Variants in ALCAM observed in about 807,000 individuals in gnomAD.
ALCAM encodes CD166 antigen.
ALCAM carries 30 observed loss-of-function variants against 70.9 expected under a neutral mutation model. The ratio of observed to expected loss-of-function variants is 0.42; its 90% CI spans 0.32 to 0.57. The LOEUF is 0.57. ALCAM is among the 20% of genes least tolerant of loss of function. The probability of loss-of-function intolerance (pLI) is 0.11; values close to 1 mark genes in which losing one functional copy is unlikely to be tolerated. For missense variants in ALCAM, 591 were observed against 695.1 expected (o/e 0.85, Z 1.68); for synonymous variants, 249 against 242.5 (o/e 1.03, Z -0.25).
At chr3:105,431,941 T>C (rs1475665866) in intron 1 of ALCAM, among the ~76,000 whole-genome samples, 1 of 152,168 alleles carries the variant, frequency 6.6e-6, no homozygotes, top group African/African-American at 2.4e-5. Flanking sequence ...CAAATGCTTT[T>C]TAACAGAGTA....
chr3:105,504,943 CTA>C (rs991610063), intron 1 of ALCAM, among the ~76,000 whole-genome samples: 2 of 152,198 alleles, frequency 1.3e-5, no homozygotes, highest in African/African-American at 4.8e-5. Context: ...TTCCATATCA[CTA>C]TCATTGTCCT....
chr3:105,425,453 A>G (rs1214907672), intron 1 of ALCAM, among the ~76,000 whole-genome samples: 4 of 151,776 alleles, frequency 2.6e-5, no homozygotes, highest in Non-Finnish European at 5.9e-5. Context: ...CCTTTGCTAC[A>G]CACTTCTGAT....
chr3:105,561,748 T>G (rs568449034), intron 14 of ALCAM, among the ~76,000 whole-genome samples: 5 of 152,294 alleles, frequency 3.3e-5, no homozygotes, highest in Admixed American at 3.3e-4. Flanking sequence ...CTAAAATTTT[T>G]ATATTCCTGA....
At chr3:105,402,938 C>CTTT (rs58126212) in intron 1 of ALCAM, among the ~76,000 whole-genome samples, 2 of 117,252 alleles carry the variant, frequency 1.7e-5, no homozygotes, top group Admixed American at 8.8e-5. Flanking sequence ...AGCTGATGCG[C>CTTT]TTTTTTTTTT....
At chr3:105,568,105 G>T (rs535830116) in intron 14 of ALCAM, among the ~76,000 whole-genome samples, 42 of 141,938 alleles carry the variant, frequency 3.0e-4, no homozygotes, top group Admixed American at 2.2e-3. Flanking sequence ...CTGTCACCTA[G>T]GCTGGAGTGC....
At chr3:105,405,697 C>G (rs1936210821) in intron 1 of ALCAM, among the ~76,000 whole-genome samples, 1 of 152,160 alleles carries the variant, frequency 6.6e-6, no homozygotes, top group Admixed American at 6.5e-5. Context: ...AAAATTATAT[C>G]ATGTACTCTC....
intron 1 of ALCAM, among the ~76,000 whole-genome samples, chr3:105,397,488 A>G (rs892494255): frequency 1.3e-5 from 2 of 151,878 alleles, no homozygotes; most frequent in Non-Finnish European, 2.9e-5. Flanking sequence ...TAGAGATAAT[A>G]GATTTAAACA....
rs1935543298 is a variant in ALCAM, at chr3:105,382,297, C to T, written c.73+14816C>T. ...TCATTTTTTATGGCTGCATAGTATT[C>T]CATGGTGTATATGTGCCACATTTTC... On this transcript the variant is annotated intron_variant, in intron 1 of 15. Transcript: ENST00000306107. Among the ~76,000 whole-genome samples the T allele has an allele frequency of 2.0e-5, 3 of 152,068 alleles. No individual in the cohort carries two copies. In the South Asian group the frequency reaches 6.2e-4, roughly 32 times the overall value.
intron 1 of ALCAM, among the ~76,000 whole-genome samples, chr3:105,455,109 T>G (rs1029297030): frequency 2.0e-5 from 3 of 152,218 alleles, no homozygotes; most frequent in African/African-American, 7.2e-5. Flanking sequence ...TAAGCTTGGT[T>G]ATATGTATAG....
intron 1 of ALCAM, among the ~76,000 whole-genome samples, chr3:105,403,564 G>A (rs1355762322): frequency 1.3e-5 from 2 of 151,956 alleles, no homozygotes; most frequent in Non-Finnish European, 2.9e-5. Flanking sequence ...GCACCCTGTG[G>A]GACAAAAGAA....
At chr3:105,413,785 A>G (rs935276148) in intron 1 of ALCAM, among the ~76,000 whole-genome samples, 12 of 152,182 alleles carry the variant, frequency 7.9e-5, no homozygotes, top group Admixed American at 7.2e-4. Flanking sequence ...CTTTCTTTCA[A>G]TTAAATAATG....
Sources: gnomAD v4.1 joint callset for allele counts (sites outside exome capture counted in the v4.1 genomes callset) on GRCh38, gnomAD v4.1.1 for gene constraint, MANE v1.5 for transcripts, NCBI Gene and HGNC (gene_info 2026-07-23, HGNC 2026-07-21) for gene names.